The following IFIT1B variants were observed in gnomAD, a reference collection of about 807,000 sequenced individuals.
IFIT1B encodes interferon induced protein with tetratricopeptide repeats 1B.
A neutral mutation model predicts 2.5 loss-of-function variants in IFIT1B; 3 were observed. That is an observed-to-expected ratio of 1.21 (90% CI 0.55 to 3.14). The LOEUF (loss-of-function observed/expected upper bound fraction) is 3.14, where lower values mean the gene tolerates loss of function less well. IFIT1B is among the 30% of genes most tolerant of loss of function. IFIT1B has a pLI of 0.03. For synonymous variants in IFIT1B, 196 were observed against 203.0 expected, an observed-to-expected ratio of 0.97 and a Z score of 0.29; for missense variants, 545 against 556.5, an observed-to-expected ratio of 0.98 and a Z score of 0.21.
Position 89,384,886 on chromosome 10 carries a change from G to A in IFIT1B, c.*148G>A. 1 of 628,644 alleles carries A rather than the reference G, an allele frequency of 1.6e-6. No individual in the cohort carries two copies. Among genetic ancestry groups the A allele is most frequent in the Non-Finnish European group, 2.7e-6 (1 of 374,622 alleles). The allele number at this position is 628,644 out of a possible 1,614,324, so 38.9% of individuals were successfully genotyped here. A position where few individuals can be genotyped will look rare whatever the true frequency, so the allele number is the denominator to read the frequency against. ...CTGTGTGGCCTGAGTTATGTAGCAT[G>A]CAACTGCAACTTCTGCTTTTTCCTG... On this transcript the variant is annotated 3_prime_UTR_variant, in exon 2 of 2. Transcript: ENST00000371809.
Position 89,383,754 on chromosome 10 carries a change from G to C in IFIT1B, c.441G>C (p.Trp147Cys), listed in dbSNP as rs369800890. Reference sequence around the variant, plus strand: ...CAGAGGTGGACTGTGAGGAAGGATGGGCCTTGGCGAAGTGTGGTGGAAAGA... The same window carrying C: ...CAGAGGTGGACTGTGAGGAAGGATGCGCCTTGGCGAAGTGTGGTGGAAAGA... ...ECPEVDCEEG[W>C]ALAKCGGKNY... Residue 147 changes from tryptophan (W) to cysteine (C), a missense_variant, in exon 2 of 2, where the codon TGG becomes TGC. Physicochemically the swap from Trp to Cys is radical, Grantham distance 215. Transcript: ENST00000371809. 1.9e-6 allele frequency: 3 copies of C among 1,614,172 alleles called. No homozygotes were observed. Among genetic ancestry groups the C allele is most frequent in the Non-Finnish European group, 2.5e-6 (3 of 1,180,022 alleles).
In IFIT1B at chr10:89,384,677, A is replaced by G; in HGVS notation, c.1364A>G (p.Asp455Gly). Residue 455 changes from aspartate to glycine, a missense_variant, in exon 2 of 2, where the codon GAT (aspartate) becomes GGT (glycine). Asp to Gly is a moderately conservative substitution (Grantham distance 94, BLOSUM62 -1). Transcript: ENST00000371809. ...CACAAATTGAAAGGAGAAGTAAGTGATGCTTTGCTGTGCTATGAGAGGGCT... is the reference window on the plus strand; with the variant it reads ...CACAAATTGAAAGGAGAAGTAAGTGGTGCTTTGCTGTGCTATGAGAGGGCT... Reference protein sequence around the residue: ...LIHKLKGEVSDALLCYERALR... With the variant: ...LIHKLKGEVSGALLCYERALR... 6.2e-7 allele frequency: 1 copy of G among 1,614,222 alleles called. No homozygotes were observed. The highest frequency in any genetic ancestry group is 1.3e-5 in the African/African-American group (1 of 75,062).
At chr10:89,381,970 A>G (rs1844166757) in intron 1 of IFIT1B, among the ~76,000 whole-genome samples, 1 of 151,942 alleles carries the variant, frequency 6.6e-6, no homozygotes, top group African/African-American at 2.4e-5. Flanking sequence ...GGGTTTCACC[A>G]TGTTGCCCAG....
Position 89,384,654 on chromosome 10 carries a change from C to G in IFIT1B, c.1341C>G (p.His447Gln). Residue 447 changes from histidine to glutamine, a missense_variant, in exon 2 of 2, where the codon CAC (histidine) becomes CAG (glutamine). Coordinates refer to ENST00000371809, the MANE Select transcript of IFIT1B (RefSeq NM_001010987.2). ...VESVSLLGLIHKLKGEVSDAL... is the reference protein window; with the variant it reads ...VESVSLLGLIQKLKGEVSDAL... ...GTGTCAGCCTCCTTGGGCTTATCCA[C>G]AAATTGAAAGGAGAAGTAAGTGATG... The G allele has an allele frequency of 6.2e-7, 1 of 1,614,186 alleles. No individual in the cohort carries two copies. Among genetic ancestry groups the G allele is most frequent in the African/African-American group, 1.3e-5 (1 of 75,052 alleles).
intron 1 of IFIT1B, 82 bp from the exon 2 acceptor site, chr10:89,383,237 T>C: frequency 8.2e-7 from 1 of 1,218,922 alleles, no homozygotes; most frequent in Non-Finnish European, 1.2e-6. Context: ...TAGAGCATAT[T>C]TGACTATTTG....
In IFIT1B at chr10:89,383,866, G is replaced by T; in HGVS notation, c.553G>T (p.Val185Phe). The T allele has an allele frequency of 6.2e-7, 1 of 1,614,150 alleles. No individual in the cohort carries two copies. Among genetic ancestry groups the T allele is most frequent in the South Asian group, 1.1e-5 (1 of 91,092 alleles). The change falls in exon 2 of 2, where the codon GTC (valine) becomes TTC (phenylalanine). Residue 185 changes from valine (V) to phenylalanine (F), a missense_variant. Physicochemically the swap from Val to Phe is conservative, Grantham distance 50. Coordinates refer to ENST00000371809, the MANE Select transcript of IFIT1B (RefSeq NM_001010987.2). ...PEFNTGYAIT[V>F]YRLDKFNTAS... ...ATTCAATACTGGGTACGCAATCACC[G>T]TCTATCGCCTGGATAAATTTAACAC...
In IFIT1B at chr10:89,384,355, G is replaced by A; in HGVS notation, c.1042G>A (p.Glu348Lys). 6.2e-7 allele frequency: 1 copy of A among 1,614,134 alleles called. No individual in the cohort carries two copies. The highest frequency in any genetic ancestry group is 1.1e-5 in the South Asian group (1 of 91,090). The change falls in exon 2 of 2, where the codon GAA becomes AAA. Residue 348 changes from glutamate to lysine, a missense_variant. Glu to Lys is a moderately conservative substitution (Grantham distance 56). Transcript: ENST00000371809. Reference sequence around the variant, plus strand: ...TGAGATGGCCTATGTTGACCTGGCTGAAACGTATGCAGAAATAGGCCACCA... The same window carrying A: ...TGAGATGGCCTATGTTGACCTGGCTAAAACGTATGCAGAAATAGGCCACCA... ...TFEMAYVDLA[E>K]TYAEIGHHRK...
chr10:89,379,925 C>G (rs1430097139), intron 1 of IFIT1B, among the ~76,000 whole-genome samples: 1 of 151,928 alleles, frequency 6.6e-6, no homozygotes, highest in Non-Finnish European at 1.5e-5. Context: ...GTCCCAGCTA[C>G]TCAGGAGGCT....
At chr10:89,379,889 G>A (rs1844149673) in intron 1 of IFIT1B, among the ~76,000 whole-genome samples, 1 of 152,072 alleles carries the variant, frequency 6.6e-6, no homozygotes, top group Admixed American at 6.6e-5. Flanking sequence ...CAAAAAATTA[G>A]CCGGGAGTGG....
chr10:89,383,114 C>T (rs761380300), intron 1 of IFIT1B, among the ~76,000 whole-genome samples: 4 of 152,200 alleles, frequency 2.6e-5, no homozygotes, highest in Non-Finnish European at 5.9e-5. Flanking sequence ...TCTGTTGGCA[C>T]TACAAGATGA....
intron 1 of IFIT1B, among the ~76,000 whole-genome samples, chr10:89,382,109 T>A (rs1022399862): frequency 1.3e-5 from 2 of 152,168 alleles, no homozygotes; most frequent in Non-Finnish European, 2.9e-5. Flanking sequence ...AAAAGAATGT[T>A]TCATCATCCA....
At chr10:89,383,222 T>A in intron 1 of IFIT1B, 97 bp from the exon 2 acceptor site, 1 of 1,068,670 alleles carries the variant, frequency 9.4e-7, no homozygotes. Context: ...GCAGGGAAAT[T>A]AGGATAGAGC....
In IFIT1B at chr10:89,384,120, A is replaced by G. The variant is rs1186299716; in HGVS notation, c.807A>G (p.Lys269=). The change falls in exon 2 of 2, where the codon AAA becomes AAG. Residue 269 remains lysine (K), a synonymous_variant. Transcript: ENST00000371809. ...ATCGAAGAAAAGGGTCTGTGGATAA[A>G]GCTCTTGAGCTCTTAAAAATGGCCT... The part of the protein sequence containing the change: ...KFYRRKGSVD[K]ALELLKMALE... The G allele has an allele frequency of 6.2e-7, 1 of 1,614,192 alleles. No homozygotes were observed. The highest frequency in any genetic ancestry group is 1.7e-5 in the Admixed American group (1 of 60,020).
In IFIT1B at chr10:89,384,240, G is replaced by T. The variant is rs753125288; in HGVS notation, c.927G>T (p.Gln309His). ...MIQIKEATNWQPRGQDRETVD... is the reference protein window; with the variant it reads ...MIQIKEATNWHPRGQDRETVD... ...AAATCAAGGAAGCTACAAACTGGCA[G>T]CCTAGAGGGCAAGATAGGGAAACTG... The change falls in exon 2 of 2, where the codon CAG (glutamine) becomes CAT (histidine). Residue 309 changes from glutamine to histidine, a missense_variant. Physicochemically the swap from Gln to His is conservative, Grantham distance 24. Coordinates refer to ENST00000371809, the MANE Select transcript of IFIT1B (RefSeq NM_001010987.2). 4.3e-6 allele frequency: 7 copies of T among 1,614,084 alleles called. No homozygotes were observed. The Admixed American group carries it at 1.2e-4, about 27-fold the overall frequency.
Position 89,384,666 on chromosome 10 carries a change from A to G in IFIT1B, c.1353A>G (p.Gly451=). The G allele has an allele frequency of 6.2e-7, 1 of 1,614,198 alleles. No individual in the cohort carries two copies. Among genetic ancestry groups the G allele is most frequent in the Non-Finnish European group, 8.5e-7 (1 of 1,180,034 alleles). The change falls in exon 2 of 2, where the codon GGA becomes GGG. Residue 451 remains glycine (G), a synonymous_variant. Coordinates refer to ENST00000371809, the MANE Select transcript of IFIT1B (RefSeq NM_001010987.2). ...SLLGLIHKLK[G]EVSDALLCYE... ...TTGGGCTTATCCACAAATTGAAAGG[A>G]GAAGTAAGTGATGCTTTGCTGTGCT... is the stretch of plus-strand genomic sequence containing the variant.
At position 89,384,596 on chromosome 10, in the gene IFIT1B, G is replaced by C; in HGVS notation, c.1283G>C (p.Arg428Thr). Reference protein sequence around the residue: ...LLNALEKLAKRCIHQNVRVVE... With the variant: ...LLNALEKLAKTCIHQNVRVVE... ...AATGCTTTAGAGAAATTGGCTAAAA[G>C]ATGTATTCACCAGAATGTACGGGTT... Residue 428 changes from arginine (R) to threonine (T), a missense_variant, in exon 2 of 2, where the codon AGA (arginine) becomes ACA (threonine). Physicochemically the swap from Arg to Thr is moderately conservative, Grantham distance 71. Transcript: ENST00000371809. The C allele has an allele frequency of 6.2e-7, 1 of 1,614,184 alleles. No homozygotes were observed. The highest frequency in any genetic ancestry group is 8.5e-7 in the Non-Finnish European group (1 of 1,180,016).
rs1844200414 is a variant in IFIT1B at position 89,385,025 on chromosome 10, C to G, written c.*287C>G. On this transcript the variant is annotated 3_prime_UTR_variant, in exon 2 of 2. Coordinates refer to ENST00000371809, the MANE Select transcript of IFIT1B (RefSeq NM_001010987.2). ...TGGAACATAGCAAGTAGTAACCGAT[C>G]AAATTGCTATAACGTGTGTACTGAC... is the stretch of plus-strand genomic sequence containing the variant. 2.8e-6 allele frequency: 1 copy of G among 351,118 alleles called. No individual in the cohort carries two copies. The highest frequency in any genetic ancestry group is 4.8e-5 in the South Asian group (1 of 20,998). 21.8% of individuals were successfully genotyped at this position (351,118 alleles called of 1,614,324 possible).
At chr10:89,378,839 A>G (rs949256457) in intron 1 of IFIT1B, among the ~76,000 whole-genome samples, 2 of 152,206 alleles carry the variant, frequency 1.3e-5, no homozygotes, top group African/African-American at 2.4e-5. Context: ...TCTTAAGGAA[A>G]TAAACGAGAA....
rs1363429421 is a variant in IFIT1B, at chr10:89,384,982, T to A, written c.*244T>A. 4.3e-6 allele frequency: 2 copies of A among 462,134 alleles called. No individual in the cohort carries two copies. The highest frequency in any genetic ancestry group is 3.9e-5 in the African/African-American group (2 of 51,492). 28.6% of individuals were successfully genotyped at this position (462,134 alleles called of 1,614,324 possible). A position where few individuals can be genotyped will look rare whatever the true frequency, so the allele number is the denominator to read the frequency against. On this transcript the variant is annotated 3_prime_UTR_variant, in exon 2 of 2. Coordinates refer to ENST00000371809, the MANE Select transcript of IFIT1B (RefSeq NM_001010987.2). ...GAAAGTATCATCCCTCCTGATGGAA[T>A]GGTAAAGCAATCTTTCTTGGAACAT...
Sources: allele counts gnomAD v4.1 joint callset (sites outside exome capture counted in the v4.1 genomes callset), GRCh38; gene constraint gnomAD v4.1.1; transcripts MANE v1.5; gene names NCBI Gene and HGNC (gene_info 2026-07-23, HGNC 2026-07-21).